DMD: variants seen among roughly 807,000 people sequenced by gnomAD.
DMD encodes the protein mutant dystrophin.
In DMD, 63 loss-of-function variants were observed where a neutral mutation model predicts 330.1. That is an observed-to-expected ratio of 0.19 (90% CI 0.16 to 0.24). The LOEUF is 0.24. DMD is among the 10% of genes least tolerant of loss of function. The probability of loss-of-function intolerance (pLI) is 1.00; values close to 1 mark genes in which losing one functional copy is unlikely to be tolerated. For missense variants in DMD, 3,344 were observed against 2,684.1 expected (o/e 1.25, Z -5.43); for synonymous variants, 1,223 against 959.8 (o/e 1.27, Z -5.07).
chrX:31,891,124 G>T (rs142608751), intron 47 of DMD, among the ~76,000 whole-genome samples: 1,821 of 111,114 alleles, frequency 0.016, 32 homozygotes, highest in African/African-American at 0.057. Flanking sequence ...ATATAGAATT[G>T]CTACTCCTGG....
chrX:32,075,437 A>G (rs1242276329), intron 44 of DMD, among the ~76,000 whole-genome samples: 1 of 112,133 alleles, frequency 8.9e-6, no homozygotes, highest in Non-Finnish European at 1.9e-5. Context: ...TACTTATGGG[A>G]AAAAATCAAA....
chrX:31,555,843 G>A (rs746505261), intron 55 of DMD, among the ~76,000 whole-genome samples: 3 of 111,723 alleles, frequency 2.7e-5, no homozygotes, highest in South Asian at 3.7e-4. Flanking sequence ...TATTCTAAGC[G>A]TGTTAACTTA....
At chrX:32,584,661 T>A (rs1173323765) in intron 13 of DMD, among the ~76,000 whole-genome samples, 1 of 112,028 alleles carries the variant, frequency 8.9e-6, no homozygotes, top group Non-Finnish European at 1.9e-5. Flanking sequence ...AAAAGCCAGT[T>A]AAAAAACTGC....
intron 70 of DMD, chrX:31,178,177 T>G (rs750165918): frequency 2.1e-5 from 16 of 751,934 alleles, no homozygotes; most frequent in African/African-American, 1.4e-4. Context: ...AGGAGCAGGT[T>G]GAAAAGAGGT....
chrX:32,998,293 C>A (rs1481609138), intron 2 of DMD, among the ~76,000 whole-genome samples: 2 of 102,472 alleles, frequency 2.0e-5, no homozygotes. Flanking sequence ...GGCTCAAACC[C>A]GGGAGGTTGA....
In DMD at chrX:32,558,938, C is replaced by CTTTT. The variant is rs60739281; in HGVS notation, c.1992+6760_1992+6763dup. 6.4e-3 allele frequency among the ~76,000 whole-genome samples: 324 copies of CTTTT among 50,802 alleles called. 36 individuals are homozygous for CTTTT. Among genetic ancestry groups the CTTTT allele is most frequent in the Middle Eastern group, 0.015 (1 of 68 alleles). The allele number at this position is 50,802 out of a possible 115,157, so 44.1% of individuals were successfully genotyped here. A position where few individuals can be genotyped will look rare whatever the true frequency, so the allele number is the denominator to read the frequency against. On this transcript the variant is annotated intron_variant, in intron 16 of 78. Coordinates refer to ENST00000357033, the MANE Select transcript of DMD (RefSeq NM_004006.3). ...TATTTGAGATGTAACTTCAAATTTT[C>CTTTT]TTTTTTTTTTTTTTTTTTTTTTTTT...
chrX:32,508,495 C>A (rs1006700505), intron 18 of DMD, among the ~76,000 whole-genome samples: 1 of 111,433 alleles, frequency 9.0e-6, no homozygotes, highest in Non-Finnish European at 1.9e-5. Context: ...ACCCTTTTTG[C>A]TCTGCTGTTA....
chrX:32,260,989 G>C (rs2097320773), intron 43 of DMD, among the ~76,000 whole-genome samples: 1 of 111,737 alleles, frequency 8.9e-6, no homozygotes, highest in African/African-American at 3.3e-5. Flanking sequence ...CTCTGGCCTA[G>C]GAGGTTAGAA....
intron 37 of DMD, among the ~76,000 whole-genome samples, chrX:32,353,062 A>G (rs1026314882): frequency 9.0e-6 from 1 of 111,047 alleles, no homozygotes; most frequent in East Asian, 2.8e-4. Context: ...AATTTAATCA[A>G]CCAGTGACCA....
intron 11 of DMD, among the ~76,000 whole-genome samples, chrX:32,630,432 TG>T (rs34027482): frequency 3.1e-4 from 34 of 110,929 alleles, no homozygotes; most frequent in African/African-American, 9.8e-4. Flanking sequence ...TATATCTCCT[TG>T]GTGTTCTATT....
intron 60 of DMD, among the ~76,000 whole-genome samples, chrX:31,376,835 T>G (rs1021548311): frequency 2.7e-5 from 3 of 111,897 alleles, no homozygotes; most frequent in Non-Finnish European, 5.6e-5. Context: ...AGCACTGGGC[T>G]TCTCCCCAGA....
chrX:31,333,858 A>G (rs140050827), intron 61 of DMD, among the ~76,000 whole-genome samples: 5 of 111,732 alleles, frequency 4.5e-5, no homozygotes, highest in African/African-American at 6.5e-5. Flanking sequence ...TTCATTATAC[A>G]TACGTAAGAA....
At chrX:31,267,311 G>GA (rs1213999318) in intron 62 of DMD, among the ~76,000 whole-genome samples, 3 of 111,208 alleles carry the variant, frequency 2.7e-5, no homozygotes, top group Non-Finnish European at 5.7e-5. Flanking sequence ...AAAAATAAAA[G>GA]AAAAAAATTA....
At chrX:31,222,429 A>G (rs2147063278) in intron 64 of DMD, among the ~76,000 whole-genome samples, 1 of 108,403 alleles carries the variant, frequency 9.2e-6, no homozygotes, top group African/African-American at 3.3e-5. Context: ...AGAAAAAAAG[A>G]AAAAGAAACT....
intron 64 of DMD, among the ~76,000 whole-genome samples, 157 bp from the exon 65 acceptor site, chrX:31,209,856 C>T (rs1381038047): frequency 9.0e-6 from 1 of 111,596 alleles, no homozygotes; most frequent in African/African-American, 3.3e-5. Flanking sequence ...TATTTTTATG[C>T]CTCGACTCTA....
chrX:32,476,241 CT>C (rs992935238), intron 21 of DMD, among the ~76,000 whole-genome samples: 10 of 111,345 alleles, frequency 9.0e-5, no homozygotes, highest in African/African-American at 3.3e-4. Context: ...AATTATTGAT[CT>C]TTTTCTGTAT....
intron 44 of DMD, among the ~76,000 whole-genome samples, chrX:32,157,256 G>A (rs2096833813): frequency 8.9e-6 from 1 of 111,780 alleles, no homozygotes; most frequent in Non-Finnish European, 1.9e-5. Context: ...ACATCTCCAA[G>A]TTATGAACAT....
chrX:31,402,413 A>T (rs1323672109), intron 60 of DMD, among the ~76,000 whole-genome samples: 2 of 111,969 alleles, frequency 1.8e-5, no homozygotes, highest in African/African-American at 3.2e-5. Context: ...GATAAAGCTT[A>T]TGGTGGCAAG....
chrX:31,369,090 G>A (rs2059410477), intron 60 of DMD, among the ~76,000 whole-genome samples: 1 of 111,903 alleles, frequency 8.9e-6, no homozygotes, highest in South Asian at 3.7e-4. Flanking sequence ...TGTTGACAGT[G>A]GAAAGTCTAC....
Sources: allele counts gnomAD v4.1 joint callset (sites outside exome capture counted in the v4.1 genomes callset), GRCh38; gene constraint gnomAD v4.1.1; transcripts MANE v1.5; gene names NCBI Gene and HGNC (gene_info 2026-07-23, HGNC 2026-07-21).